Variants in KAZN observed in about 807,000 individuals in gnomAD.
KAZN encodes kazrin, periplakin interacting protein, also known as kazrin.
KAZN carries 40 observed loss-of-function variants against 87.4 expected under a neutral mutation model. The observed-to-expected ratio is 0.46, with a 90% CI of 0.36 to 0.60. The LOEUF (loss-of-function observed/expected upper bound fraction) is 0.60, where lower values mean the gene tolerates loss of function less well. KAZN is among the 20% of genes least tolerant of loss of function. The pLI is 0.00. For missense variants in KAZN, 898 were observed against 1,073.9 expected (o/e 0.84, Z 2.29); for synonymous variants, 466 against 458.3 (o/e 1.02, Z -0.22).
intron 2 of KAZN, among the ~76,000 whole-genome samples, chr1:14,341,661 TGCC>T (rs1657736223): frequency 6.6e-6 from 1 of 152,136 alleles, no homozygotes; most frequent in African/African-American, 2.4e-5. Context: ...TTTATTCAGA[TGCC>T]ACCTCTGCAG....
intron 1 of KAZN, among the ~76,000 whole-genome samples, chr1:14,808,373 C>T (rs757172664): frequency 6.1e-5 from 9 of 147,102 alleles, no homozygotes; most frequent in South Asian, 2.2e-4. Context: ...CTCAGTTCAC[C>T]GCAACCTCTG....
At position 14,976,313 on chromosome 1, in the gene KAZN, G is replaced by C. The variant is rs72855806; in HGVS notation, c.418+15438G>C. The stretch of plus-strand genomic sequence containing the variant: ...CCTCCTGAGTAGCTGGGACTACTCA[G>C]AACAGCACGTCATCAGGCCAGGCCT... On this transcript the variant is annotated intron_variant, in intron 2 of 14. Coordinates refer to ENST00000376030, the MANE Select transcript of KAZN (RefSeq NM_201628.3). Among the ~76,000 whole-genome samples, 1,497 of 152,252 alleles carry C rather than the reference G, an allele frequency of 9.8e-3. 28 individuals carry two copies. The highest frequency in any genetic ancestry group is 0.034 in the African/African-American group (1,410 of 41,558).
chr1:14,347,706 G>A (rs1353720009), intron 2 of KAZN, among the ~76,000 whole-genome samples: 1 of 151,956 alleles, frequency 6.6e-6, no homozygotes, highest in Non-Finnish European at 1.5e-5. Context: ...ATTATATGTT[G>A]TATATTATGA....
intron 2 of KAZN, among the ~76,000 whole-genome samples, chr1:14,380,960 G>A (rs1489221684): frequency 1.3e-5 from 2 of 152,096 alleles, no homozygotes; most frequent in Non-Finnish European, 2.9e-5. Flanking sequence ...GATAAACAAA[G>A]GATCCTAAAA....
chr1:15,003,963 C>T lies in KAZN; in HGVS notation c.419-30786C>T, dbSNP rs567858445. On this transcript the variant is annotated intron_variant, in intron 2 of 14. Coordinates refer to ENST00000376030, the MANE Select transcript of KAZN (RefSeq NM_201628.3). ...AGGTCCTGGCCTCTGCTGGGGGAAG[C>T]ATAAAACCGGTCCTCCTTTGCACCT... is the stretch of plus-strand genomic sequence containing the variant. Among the ~76,000 whole-genome samples the T allele has an allele frequency of 1.2e-4, 18 of 152,290 alleles. 1 individual carries two copies. The East Asian group carries it at 2.9e-3, about 25-fold the overall frequency.
intron 1 of KAZN, among the ~76,000 whole-genome samples, chr1:14,101,911 A>G (rs1180136189): frequency 6.6e-6 from 1 of 152,180 alleles, no homozygotes; most frequent in Non-Finnish European, 1.5e-5. Flanking sequence ...TAGCCCAGAC[A>G]GTAACATGCT....
chr1:14,006,114 T>G (rs1227437910), intron 1 of KAZN, among the ~76,000 whole-genome samples: 1 of 152,224 alleles, frequency 6.6e-6, no homozygotes, highest in Non-Finnish European at 1.5e-5. Flanking sequence ...TGCCTTTTTA[T>G]TTTGTCTATT....
intron 2 of KAZN, among the ~76,000 whole-genome samples, chr1:14,473,752 G>A (rs1337841931): frequency 1.3e-5 from 2 of 151,586 alleles, no homozygotes; most frequent in African/African-American, 4.9e-5. Flanking sequence ...TGTCTATGCC[G>A]CACCAGCCCT....
intron 3 of KAZN, among the ~76,000 whole-genome samples, chr1:15,037,569 G>A (rs1210005988): frequency 6.6e-6 from 1 of 151,420 alleles, no homozygotes; most frequent in Non-Finnish European, 1.5e-5. Context: ...GGGGGTAGGG[G>A]CATATGCCTG....
intron 1 of KAZN, among the ~76,000 whole-genome samples, chr1:14,648,472 TGGTAGGACATCTGA>T (rs1680976881): frequency 2.0e-5 from 3 of 152,172 alleles, no homozygotes; most frequent in African/African-American, 7.2e-5. Flanking sequence ...ACTTATGCAA[TGGTAGGACATCTGA>T]TTTTAGCTGA....
intron 1 of KAZN, among the ~76,000 whole-genome samples, chr1:14,813,759 T>C (rs1352324382): frequency 6.6e-6 from 1 of 152,246 alleles, no homozygotes; most frequent in Non-Finnish European, 1.5e-5. Flanking sequence ...TATTTCCATA[T>C]GTTCTAGAAT....
chr1:14,259,210 G>C (rs1417653393), intron 2 of KAZN, among the ~76,000 whole-genome samples: 1 of 152,118 alleles, frequency 6.6e-6, no homozygotes, highest in African/African-American at 2.4e-5. Flanking sequence ...GTCGGATTCA[G>C]AGAGTATGCT....
intron 1 of KAZN, among the ~76,000 whole-genome samples, chr1:14,100,778 G>A (rs1425307368): frequency 6.6e-6 from 1 of 152,158 alleles, no homozygotes; most frequent in African/African-American, 2.4e-5. Flanking sequence ...GTGTGATATT[G>A]TTTAGCTGTG....
At chr1:14,118,351 A>G (rs1208029339) in intron 1 of KAZN, among the ~76,000 whole-genome samples, 3 of 152,228 alleles carry the variant, frequency 2.0e-5, no homozygotes, top group Non-Finnish European at 2.9e-5. Flanking sequence ...AAGCAGGAAC[A>G]TGTTATTCAT....
At chr1:14,392,467 G>A (rs1380488520) in intron 2 of KAZN, among the ~76,000 whole-genome samples, 1 of 152,068 alleles carries the variant, frequency 6.6e-6, no homozygotes, top group Non-Finnish European at 1.5e-5. Flanking sequence ...AAGGCGGGAC[G>A]ATTGCACACC....
chr1:14,418,847 A>C (rs919195344), intron 2 of KAZN, among the ~76,000 whole-genome samples: 5 of 152,204 alleles, frequency 3.3e-5, no homozygotes, highest in Non-Finnish European at 7.3e-5. Flanking sequence ...ACCATGAGTC[A>C]GTCACCAGTA....
At chr1:14,918,881 A>G (rs1658195527) in intron 1 of KAZN, among the ~76,000 whole-genome samples, 1 of 151,692 alleles carries the variant, frequency 6.6e-6, no homozygotes, top group Non-Finnish European at 1.5e-5. Context: ...AGAGACCCTG[A>G]ACTGGAAGAC....
rs1470723229 is a variant in KAZN at position 14,242,685 on chromosome 1, A to G, written c.249+62093A>G. Among the ~76,000 whole-genome samples the G allele has an allele frequency of 3.9e-5, 6 of 152,312 alleles. No homozygotes were observed. The East Asian group carries it at 5.8e-4, about 15-fold the overall frequency. On this transcript the variant is annotated intron_variant, in intron 2 of 16. Transcript: ENST00000636203. ...CCATAGACTTGTGTCTAATGCAACCATCTGACAAAGGAGGCACAAAGCTAA... is the reference window on the plus strand; with the variant it reads ...CCATAGACTTGTGTCTAATGCAACCGTCTGACAAAGGAGGCACAAAGCTAA...
chr1:15,060,987 A>G (rs1274749837), intron 6 of KAZN: 1 of 152,238 alleles, frequency 6.6e-6, no homozygotes, highest in Non-Finnish European at 1.5e-5. Flanking sequence ...TTTTTGTTTT[A>G]TCACACAGTT....
Sources: allele counts gnomAD v4.1 joint callset (sites outside exome capture counted in the v4.1 genomes callset), GRCh38; gene constraint gnomAD v4.1.1; transcripts MANE v1.5; gene names NCBI Gene and HGNC (gene_info 2026-07-23, HGNC 2026-07-21).